The following DOCK3 variants were observed in gnomAD, a reference collection of about 807,000 sequenced individuals.
The protein encoded by DOCK3 is dedicator of cytokinesis 3, also known as dedicator of cytokinesis protein 3.
Under a neutral mutation model 265.6 loss-of-function variants are expected in DOCK3, and 60 were observed. The ratio of observed to expected loss-of-function variants is 0.23; its 90% confidence interval spans 0.18 to 0.28. DOCK3 has a LOEUF of 0.28. Ranked by LOEUF, DOCK3 falls within the 10% of genes least tolerant of loss-of-function variation. DOCK3 has a pLI of 1.00. For missense variants in DOCK3, 1,981 were observed against 2,594.3 expected, an observed-to-expected ratio of 0.76 and a Z score of 5.14; for synonymous variants, 881 against 938.0, an observed-to-expected ratio of 0.94 and a Z score of 1.11.
At chr3:50,867,282 T>C (rs568735102) in intron 3 of DOCK3, among the ~76,000 whole-genome samples, 62 of 152,352 alleles carry the variant, frequency 4.1e-4, no homozygotes, top group Admixed American at 4.0e-3. Context: ...TTTTGTTGTC[T>C]GTGACTTTAC....
At chr3:51,067,456 T>TGTGTGTGCGCGC (rs1553750450) in intron 6 of DOCK3, among the ~76,000 whole-genome samples, 9 of 150,232 alleles carry the variant, frequency 6.0e-5, no homozygotes, top group African/African-American at 2.2e-4. Flanking sequence ...TGTGTGTGTG[T>TGTGTGTGCGCGC]GCGCGCGCGT....
At chr3:50,886,348 A>C (rs1359420209) in intron 3 of DOCK3, among the ~76,000 whole-genome samples, 1 of 151,914 alleles carries the variant, frequency 6.6e-6, no homozygotes, top group Non-Finnish European at 1.5e-5. Context: ...AAAACAGATA[A>C]ACGATAGTCA....
intron 12 of DOCK3, among the ~76,000 whole-genome samples, chr3:51,171,127 A>G (rs1191813212): frequency 6.6e-6 from 1 of 152,080 alleles, no homozygotes; most frequent in Non-Finnish European, 1.5e-5. Context: ...TCCTTGAGAT[A>G]TAACATTACA....
intron 49 of DOCK3, among the ~76,000 whole-genome samples, chr3:51,371,810 G>A (rs1431659371): frequency 6.6e-6 from 1 of 152,234 alleles, no homozygotes; most frequent in Non-Finnish European, 1.5e-5. Context: ...CCCTCACACG[G>A]ATCAGGATAT....
chr3:50,869,452 C>T (rs2047332621), intron 3 of DOCK3, among the ~76,000 whole-genome samples: 1 of 130,218 alleles, frequency 7.7e-6, no homozygotes, highest in Admixed American at 8.7e-5. Context: ...CTCACTGCAA[C>T]CTCTGCCTGC....
intron 1 of DOCK3, among the ~76,000 whole-genome samples, chr3:50,764,702 G>T (rs1278194116): frequency 6.6e-6 from 1 of 152,134 alleles, no homozygotes; most frequent in Non-Finnish European, 1.5e-5. Flanking sequence ...CCAGCTGCTT[G>T]GGTGAGGGGG....
intron 9 of DOCK3, among the ~76,000 whole-genome samples, chr3:51,141,188 CTTTCTT>C (rs1204288745): frequency 3.9e-5 from 2 of 51,500 alleles, no homozygotes; most frequent in Admixed American, 2.3e-4. Flanking sequence ...CCTATATTTT[CTTTCTT>C]TTTTTTTTTT....
intron 3 of DOCK3, among the ~76,000 whole-genome samples, chr3:50,857,388 G>A (rs990986303): frequency 2.0e-5 from 3 of 151,954 alleles, no homozygotes; most frequent in African/African-American, 7.3e-5. Context: ...GTTTCTTCCT[G>A]ATTCAATCTT....
chr3:51,011,341 C>G (rs973567366), intron 5 of DOCK3, among the ~76,000 whole-genome samples: 1 of 152,074 alleles, frequency 6.6e-6, no homozygotes, highest in Non-Finnish European at 1.5e-5. Context: ...TCTTTTTTCT[C>G]TGAAATTCTC....
chr3:51,201,586 G>C (rs372678233), intron 12 of DOCK3, among the ~76,000 whole-genome samples: 31 of 152,052 alleles, frequency 2.0e-4, no homozygotes, highest in East Asian at 9.6e-4. Flanking sequence ...GACTTTAACA[G>C]CCCACTGTCA....
intron 2 of DOCK3, among the ~76,000 whole-genome samples, chr3:50,825,324 G>A (rs1021195555): frequency 6.6e-6 from 1 of 152,210 alleles, no homozygotes; most frequent in African/African-American, 2.4e-5. Context: ...GTAGAGCTGA[G>A]ACAGCCGAAT....
chr3:51,332,882 C>A, intron 33 of DOCK3, 119 bp from the exon 34 acceptor site: 1 of 1,357,812 alleles, frequency 7.4e-7, no homozygotes, highest in Non-Finnish European at 1.0e-6. Context: ...CCGAACCCCT[C>A]CCTCCCCCCA....
chr3:50,998,193 A>G (rs1217328935), intron 5 of DOCK3, among the ~76,000 whole-genome samples: 3 of 152,212 alleles, frequency 2.0e-5, no homozygotes, highest in Admixed American at 1.3e-4. Context: ...TAAATAGAGG[A>G]GCTAGATTTG....
intron 5 of DOCK3, among the ~76,000 whole-genome samples, chr3:51,011,794 G>C (rs1219110651): frequency 6.6e-6 from 1 of 152,166 alleles, no homozygotes. Flanking sequence ...ACGTACAGAT[G>C]GGGTTTTGGT....
intron 27 of DOCK3, among the ~76,000 whole-genome samples, chr3:51,304,947 G>A (rs1405839986): frequency 1.3e-5 from 2 of 152,152 alleles, no homozygotes; most frequent in Non-Finnish European, 2.9e-5. Flanking sequence ...AATTTATTGG[G>A]ACTTTCTTAT....
chr3:51,016,506 A>G (rs2079250336), intron 5 of DOCK3, among the ~76,000 whole-genome samples: 2 of 87,954 alleles, frequency 2.3e-5, no homozygotes, highest in South Asian at 6.1e-4. Context: ...TCTACATAAT[A>G]TATATATCAT....
chr3:50,933,898 A>G (rs938938339), intron 4 of DOCK3, 83 bp from the exon 5 acceptor site: 5 of 867,310 alleles, frequency 5.8e-6, no homozygotes, highest in Non-Finnish European at 8.6e-6. Context: ...AATTTGAGTT[A>G]AACAAGTAGA....
At chr3:50,978,085 T>C (rs1040120768) in intron 5 of DOCK3, among the ~76,000 whole-genome samples, 1 of 152,112 alleles carries the variant, frequency 6.6e-6, no homozygotes, top group Non-Finnish European at 1.5e-5. Context: ...TGCCTTTGGT[T>C]TGAGTGTCCT....
At chr3:51,262,105 G>A (rs541668156) in intron 23 of DOCK3, among the ~76,000 whole-genome samples, 5 of 152,350 alleles carry the variant, frequency 3.3e-5, no homozygotes, top group African/African-American at 4.8e-5. Flanking sequence ...CCTTACCCCC[G>A]TGCCTCCTGA....
Sources: allele counts gnomAD v4.1 joint callset (sites outside exome capture counted in the v4.1 genomes callset), GRCh38; gene constraint gnomAD v4.1.1; transcripts MANE v1.5; gene names NCBI Gene and HGNC (gene_info 2026-07-23, HGNC 2026-07-21).